Variants in KCNH1 observed in about 807,000 individuals in gnomAD.
The protein encoded by KCNH1 is potassium voltage-gated channel subfamily H member 1.
In KCNH1, 27 loss-of-function variants were observed where a neutral mutation model predicts 69.2. That is an observed-to-expected ratio of 0.39 (90% CI 0.29 to 0.54). The LOEUF (loss-of-function observed/expected upper bound fraction) is 0.54, where lower values mean the gene tolerates loss of function less well. KCNH1 is among the 20% of genes least tolerant of loss of function. KCNH1 has a pLI of 0.68. For synonymous variants in KCNH1, 456 were observed against 487.7 expected, an observed-to-expected ratio of 0.93 and a Z score of 0.86; for missense variants, 798 against 1,261.6, an observed-to-expected ratio of 0.63 and a Z score of 5.57.
intron 7 of KCNH1, among the ~76,000 whole-genome samples, chr1:210,846,477 G>T (rs973044850): frequency 6.6e-6 from 1 of 151,666 alleles, no homozygotes; most frequent in African/African-American, 2.4e-5. Flanking sequence ...CAAGCAATGG[G>T]GAAAGGATTC....
At chr1:211,062,925 C>G (rs111614266) in intron 5 of KCNH1, among the ~76,000 whole-genome samples, 2 of 152,276 alleles carry the variant, frequency 1.3e-5, no homozygotes, top group African/African-American at 4.8e-5. Flanking sequence ...AAAAATCGAG[C>G]TACCATATGA....
chr1:211,039,166 CCTCAGACTGTGG>C (rs1012017459), intron 5 of KCNH1, among the ~76,000 whole-genome samples: 7 of 152,226 alleles, frequency 4.6e-5, no homozygotes, highest in African/African-American at 1.4e-4. Flanking sequence ...CCAACATACA[CCTCAGACTGTGG>C]CTTCAGAGGA....
At chr1:210,762,399 T>C (rs752791678) in intron 10 of KCNH1, among the ~76,000 whole-genome samples, 11 of 151,990 alleles carry the variant, frequency 7.2e-5, no homozygotes, top group Non-Finnish European at 7.4e-5. Context: ...TAAATGAAAC[T>C]GAGACCAAAA....
chr1:210,796,549 G>C (rs927657986), intron 9 of KCNH1, among the ~76,000 whole-genome samples: 2 of 152,066 alleles, frequency 1.3e-5, no homozygotes, highest in Non-Finnish European at 2.9e-5. Flanking sequence ...TTACCAACAC[G>C]TTCCCCCGCA....
intron 10 of KCNH1, among the ~76,000 whole-genome samples, chr1:210,718,672 ACACACACACAC>A (rs1682370118): frequency 7.0e-6 from 1 of 143,734 alleles, no homozygotes; most frequent in African/African-American, 2.6e-5. Flanking sequence ...ACACACACAC[ACACACACACAC>A]ACACACACAT....
chr1:211,090,515 A>G, intron 4 of KCNH1, 47 bp downstream of exon 4: 1 of 1,535,826 alleles, frequency 6.5e-7, no homozygotes, highest in South Asian at 1.2e-5. Context: ...AGCCACAATA[A>G]AGACAAAAAA....
At chr1:210,859,197 C>A in intron 7 of KCNH1, 3 of 1,606,166 alleles carry the variant, frequency 1.9e-6, no homozygotes, top group Non-Finnish European at 1.7e-6. Flanking sequence ...GGTACTGGGC[C>A]TCCAAAATTG....
At chr1:210,915,654 C>A (rs1024556708) in intron 7 of KCNH1, among the ~76,000 whole-genome samples, 1 of 152,158 alleles carries the variant, frequency 6.6e-6, no homozygotes, top group Non-Finnish European at 1.5e-5. Context: ...CACCTAAATC[C>A]GCAGCTAATC....
intron 10 of KCNH1, among the ~76,000 whole-genome samples, chr1:210,754,388 G>A (rs1345688844): frequency 1.3e-5 from 2 of 152,078 alleles, no homozygotes; most frequent in Admixed American, 6.5e-5. Context: ...GCCACTCTTA[G>A]GACTAATCAC....
At chr1:210,924,668 C>T (rs1687531392) in intron 6 of KCNH1, among the ~76,000 whole-genome samples, 1 of 152,202 alleles carries the variant, frequency 6.6e-6, no homozygotes, top group Non-Finnish European at 1.5e-5. Context: ...CATTCCTTGG[C>T]TGTCAGAGCT....
intron 10 of KCNH1, among the ~76,000 whole-genome samples, chr1:210,725,019 A>T (rs1474583248): frequency 1.3e-5 from 2 of 152,206 alleles, no homozygotes; most frequent in African/African-American, 2.4e-5. Flanking sequence ...CACCATGGAC[A>T]CTTTAGCTGA....
In KCNH1 at chr1:210,852,387, G is replaced by A. The variant is rs903951528; in HGVS notation, c.1463-48221C>T. Among the ~76,000 whole-genome samples, 3 of 152,384 alleles carry A rather than the reference G, an allele frequency of 2.0e-5. No individual in the cohort carries two copies. The South Asian group carries it at 6.2e-4, about 32-fold the overall frequency. On this transcript the variant is annotated intron_variant, in intron 7 of 10. Coordinates refer to ENST00000271751, the MANE Select transcript of KCNH1 (RefSeq NM_172362.3). ...AAAAGTAACCAAGTCCTGCAAAGCT[G>A]CAGTGCTGTGCCTAGCACATAGTAG...
At chr1:210,874,345 A>G (rs1223165365) in intron 7 of KCNH1, among the ~76,000 whole-genome samples, 1 of 152,244 alleles carries the variant, frequency 6.6e-6, no homozygotes, top group Non-Finnish European at 1.5e-5. Flanking sequence ...AGACAATTCA[A>G]GTTAGATATT....
chr1:210,916,916 G>A (rs1332398803), intron 7 of KCNH1, among the ~76,000 whole-genome samples: 1 of 152,072 alleles, frequency 6.6e-6, no homozygotes, highest in East Asian at 1.9e-4. Context: ...GGGAGGCTGA[G>A]GCAGGTGGAT....
intron 5 of KCNH1, among the ~76,000 whole-genome samples, chr1:211,038,647 C>T (rs756102014): frequency 3.3e-5 from 5 of 152,088 alleles, no homozygotes; most frequent in Non-Finnish European, 5.9e-5. Flanking sequence ...AGATGAGGAA[C>T]TTGTTGGGGA....
chr1:210,794,235 G>A (rs552497020), intron 9 of KCNH1, among the ~76,000 whole-genome samples: 6 of 152,166 alleles, frequency 3.9e-5, no homozygotes, highest in South Asian at 2.1e-4. Flanking sequence ...TTCAAAGGAC[G>A]TGTCTCGACC....
At chr1:210,965,374 CCTT>C (rs1688379192) in intron 6 of KCNH1, among the ~76,000 whole-genome samples, 2 of 152,146 alleles carry the variant, frequency 1.3e-5, no homozygotes, top group South Asian at 2.1e-4. Flanking sequence ...CCCAAAATCT[CCTT>C]AAGCTGATAA....
chr1:210,875,406 T>A (rs1224221618), intron 7 of KCNH1, among the ~76,000 whole-genome samples: 1 of 152,184 alleles, frequency 6.6e-6, no homozygotes, highest in Non-Finnish European at 1.5e-5. Flanking sequence ...AGGTTATATA[T>A]TTGTCTATAT....
chr1:210,809,285 C>T (rs978517761), intron 7 of KCNH1, among the ~76,000 whole-genome samples: 26 of 151,988 alleles, frequency 1.7e-4, no homozygotes, highest in Admixed American at 4.6e-4. Context: ...GTGAATCTTT[C>T]CTGTGAACTG....
Sources: allele counts gnomAD v4.1 joint callset (sites outside exome capture counted in the v4.1 genomes callset), GRCh38; gene constraint gnomAD v4.1.1; transcripts MANE v1.5; gene names NCBI Gene and HGNC (gene_info 2026-07-23, HGNC 2026-07-21).